The following NALF1 variants were observed in gnomAD, a reference collection of about 807,000 sequenced individuals.
NALF1 encodes NALCN channel auxiliary factor 1.
In NALF1, 3 loss-of-function variants were observed where a neutral mutation model predicts 48.4. That is an observed-to-expected ratio of 0.06 (90% CI 0.03 to 0.16). The LOEUF (loss-of-function observed/expected upper bound fraction) is 0.16, where lower values mean the gene tolerates loss of function less well. Ranked by LOEUF, NALF1 falls within the 10% of genes least tolerant of loss-of-function variation. NALF1 has a pLI of 1.00. For synonymous variants in NALF1, 262 were observed against 245.7 expected (o/e 1.07, Z -0.62); for missense variants, 526 against 571.5 (o/e 0.92, Z 0.81).
intron 1 of NALF1, among the ~76,000 whole-genome samples, chr13:107,554,215 G>GC (rs972923544): frequency 5.6e-4 from 86 of 152,292 alleles, no homozygotes; most frequent in African/African-American, 2.0e-3. Context: ...AGCTGATGGA[G>GC]CCCCAGGCTT....
At chr13:107,287,369 AT>A (rs1881516007) in intron 1 of NALF1, among the ~76,000 whole-genome samples, 1 of 152,132 alleles carries the variant, frequency 6.6e-6, no homozygotes, top group Non-Finnish European at 1.5e-5. Flanking sequence ...TAGTTCAGGT[AT>A]TTCCCATTCA....
chr13:107,736,280 C>T (rs188005596), intron 1 of NALF1, among the ~76,000 whole-genome samples: 36 of 152,088 alleles, frequency 2.4e-4, no homozygotes, highest in Admixed American at 1.6e-3. Context: ...TTGTTAGAAA[C>T]GTGGACACTT....
At chr13:107,446,914 T>C (rs376086803) in intron 1 of NALF1, among the ~76,000 whole-genome samples, 2 of 152,346 alleles carry the variant, frequency 1.3e-5, no homozygotes, top group East Asian at 1.9e-4. Flanking sequence ...AGCCAATAGA[T>C]ACATGTTTGA....
At chr13:107,385,552 C>CAAAAAAA (rs201307018) in intron 1 of NALF1, among the ~76,000 whole-genome samples, 54 of 118,204 alleles carry the variant, frequency 4.6e-4, no homozygotes, top group South Asian at 1.2e-3. Flanking sequence ...GATTCCATCT[C>CAAAAAAA]AAAAAAAAAA....
In NALF1 at chr13:107,340,471, C is replaced by CT. The variant is rs1566489718; in HGVS notation, c.916-129717dup. Among the ~76,000 whole-genome samples, 53 of 79,350 alleles carry CT rather than the reference C, an allele frequency of 6.7e-4. 1 individual carries two copies. The highest frequency in any genetic ancestry group is 1.4e-3 in the African/African-American group (47 of 34,652). 52.1% of individuals were successfully genotyped at this position (79,350 alleles called of 152,430 possible). A position where few individuals can be genotyped will look rare whatever the true frequency, so the allele number is the denominator to read the frequency against. Reference sequence around the variant, plus strand: ...CTTTCTTTCTTTCTTTCTTTCTTCTCTCTTTCTTTCTTTCTTTTTGTCTTT... The same window carrying CT: ...CTTTCTTTCTTTCTTTCTTTCTTCTCTTCTTTCTTTCTTTCTTTTTGTCTTT... On this transcript the variant is annotated intron_variant, in intron 1 of 2. Coordinates refer to ENST00000375915, the MANE Select transcript of NALF1 (RefSeq NM_001080396.3).
At chr13:107,324,104 C>G (rs1882305613) in intron 1 of NALF1, among the ~76,000 whole-genome samples, 1 of 151,916 alleles carries the variant, frequency 6.6e-6, no homozygotes, top group South Asian at 2.1e-4. Flanking sequence ...CAAATGAAAA[C>G]AAAAAATATT....
chr13:107,357,044 A>G (rs1361420813), intron 1 of NALF1, among the ~76,000 whole-genome samples: 1 of 152,226 alleles, frequency 6.6e-6, no homozygotes, highest in African/African-American at 2.4e-5. Context: ...GGATAAATCA[A>G]ACACAAAGGG....
intron 1 of NALF1, among the ~76,000 whole-genome samples, chr13:107,426,615 A>G (rs980478424): frequency 1.3e-5 from 2 of 152,210 alleles, no homozygotes; most frequent in African/African-American, 4.8e-5. Context: ...GTCAAATCAC[A>G]TGTGCTTTTG....
At chr13:107,641,309 C>T (rs753752645) in intron 1 of NALF1, among the ~76,000 whole-genome samples, 9 of 152,102 alleles carry the variant, frequency 5.9e-5, no homozygotes, top group South Asian at 4.1e-4. Context: ...AAATACCATT[C>T]GATACAAGGA....
intron 1 of NALF1, among the ~76,000 whole-genome samples, chr13:107,502,880 C>A (rs73594776): frequency 0.031 from 4,692 of 152,100 alleles, 255 homozygotes; most frequent in African/African-American, 0.11. Flanking sequence ...TTGTCCATTT[C>A]TGTATTTATG....
intron 1 of NALF1, among the ~76,000 whole-genome samples, chr13:107,597,399 G>A (rs946480655): frequency 6.6e-6 from 1 of 152,070 alleles, no homozygotes; most frequent in African/African-American, 2.4e-5. Flanking sequence ...GTCTACAGTA[G>A]GTTCTCCTAT....
intron 1 of NALF1, among the ~76,000 whole-genome samples, chr13:107,283,837 T>G (rs1881437765): frequency 6.6e-6 from 1 of 151,884 alleles, no homozygotes; most frequent in Non-Finnish European, 1.5e-5. Flanking sequence ...TTTTTGTATT[T>G]TTAGTAGAGA....
chr13:107,213,216 A>AT (rs538408078), intron 1 of NALF1, among the ~76,000 whole-genome samples: 51 of 78,092 alleles, frequency 6.5e-4, no homozygotes, highest in African/African-American at 1.9e-3. Flanking sequence ...TCCTTTGCAG[A>AT]TTTTTTTTTA....
rs577692272 is a variant in NALF1 at position 107,412,271 on chromosome 13, A to C, written c.916-201516T>G. Among the ~76,000 whole-genome samples the C allele has an allele frequency of 6.8e-4, 104 of 152,268 alleles. 1 individual carries two copies. Among genetic ancestry groups the C allele is most frequent in the African/African-American group, 2.4e-3 (99 of 41,558 alleles). On this transcript the variant is annotated intron_variant, in intron 1 of 2. Transcript: ENST00000375915. Reference sequence around the variant, plus strand: ...AGCACCAGTCTAAGCATGTCACGGAAGTTGTCTCATTTAATCTGAGTTAGA... The same window carrying C: ...AGCACCAGTCTAAGCATGTCACGGACGTTGTCTCATTTAATCTGAGTTAGA...
At chr13:107,284,817 T>G (rs1195775103) in intron 1 of NALF1, among the ~76,000 whole-genome samples, 1 of 152,152 alleles carries the variant, frequency 6.6e-6, no homozygotes, top group Non-Finnish European at 1.5e-5. Flanking sequence ...GGCCACAGAA[T>G]GAAACCTGCC....
chr13:107,195,416 A>G (rs1206721625), intron 2 of NALF1, among the ~76,000 whole-genome samples: 2 of 152,202 alleles, frequency 1.3e-5, no homozygotes, highest in Non-Finnish European at 1.5e-5. Context: ...TTAAACCTTC[A>G]CCATGGATTT....
At chr13:107,181,374 A>G (rs1879056781) in intron 2 of NALF1, among the ~76,000 whole-genome samples, 1 of 151,564 alleles carries the variant, frequency 6.6e-6, no homozygotes, top group African/African-American at 2.4e-5. Flanking sequence ...TTACTGATCT[A>G]AATTTCCATT....
At chr13:107,217,040 A>C (rs1879887812) in intron 1 of NALF1, among the ~76,000 whole-genome samples, 1 of 152,228 alleles carries the variant, frequency 6.6e-6, no homozygotes, top group Non-Finnish European at 1.5e-5. Context: ...TAACTATGAC[A>C]CAGAGGCAAC....
chr13:107,271,159 T>C (rs952918246), intron 1 of NALF1, among the ~76,000 whole-genome samples: 3 of 152,202 alleles, frequency 2.0e-5, no homozygotes, highest in African/African-American at 7.2e-5. Flanking sequence ...GATGTTACTC[T>C]CAAGATTATG....
Sources: allele counts gnomAD v4.1 joint callset (sites outside exome capture counted in the v4.1 genomes callset), GRCh38; gene constraint gnomAD v4.1.1; transcripts MANE v1.5; gene names NCBI Gene and HGNC (gene_info 2026-07-23, HGNC 2026-07-21).